SBF2: variants seen among roughly 807,000 people sequenced by gnomAD.
SBF2 encodes myotubularin-related protein 13.
SBF2 carries 112 observed loss-of-function variants against 225.2 expected under a neutral mutation model. The observed-to-expected ratio is 0.50, with a 90% CI of 0.43 to 0.58. The LOEUF is 0.58. SBF2 is among the 20% of genes least tolerant of loss of function. The pLI, the probability that SBF2 is intolerant of heterozygous loss-of-function variation, is 0.00. For missense variants in SBF2, 1,996 were observed against 2,206.2 expected (o/e 0.90, Z 1.91); for synonymous variants, 763 against 773.3 (o/e 0.99, Z 0.22).
At chr11:10,204,428 C>A (rs1159074687) in intron 1 of SBF2, among the ~76,000 whole-genome samples, 1 of 151,946 alleles carries the variant, frequency 6.6e-6, no homozygotes, top group African/African-American at 2.4e-5. Flanking sequence ...ATCACGAGGT[C>A]AAGAGATCGA....
intron 17 of SBF2, among the ~76,000 whole-genome samples, chr11:9,883,250 C>T (rs1292791280): frequency 6.6e-6 from 1 of 152,000 alleles, no homozygotes; most frequent in Admixed American, 6.5e-5. Flanking sequence ...GTCAATAGCA[C>T]TTACTATGTA....
At chr11:10,109,513 T>C (rs1776066256) in intron 2 of SBF2, among the ~76,000 whole-genome samples, 1 of 152,168 alleles carries the variant, frequency 6.6e-6, no homozygotes, top group Non-Finnish European at 1.5e-5. Flanking sequence ...AGGGACTCCA[T>C]TCAAATACAA....
upstream of SBF2, among the ~76,000 whole-genome samples, chr11:10,296,400 G>C (rs1321547738): frequency 2.0e-5 from 3 of 152,060 alleles, no homozygotes; most frequent in Non-Finnish European, 4.4e-5. Flanking sequence ...AGAGCAAAGC[G>C]GCAGACAAGA....
intron 1 of SBF2, among the ~76,000 whole-genome samples, chr11:10,267,144 G>A (rs1453386150): frequency 2.0e-5 from 3 of 152,036 alleles, no homozygotes; most frequent in African/African-American, 7.2e-5. Context: ...AAAAGGGAAG[G>A]GGGCTATCTC....
intron 32 of SBF2, among the ~76,000 whole-genome samples, chr11:9,807,672 T>C (rs963513785): frequency 2.0e-5 from 3 of 152,230 alleles, no homozygotes; most frequent in Non-Finnish European, 4.4e-5. Flanking sequence ...ATGTGCTCGA[T>C]TTCAGGACCC....
At chr11:10,119,427 T>G (rs1019849099) in intron 2 of SBF2, among the ~76,000 whole-genome samples, 2 of 152,180 alleles carry the variant, frequency 1.3e-5, no homozygotes, top group African/African-American at 4.8e-5. Context: ...CCAGTTGAAC[T>G]GTACTTAATC....
At chr11:9,862,525 A>G (rs1350190536) in intron 17 of SBF2, among the ~76,000 whole-genome samples, 1 of 152,230 alleles carries the variant, frequency 6.6e-6, no homozygotes, top group Non-Finnish European at 1.5e-5. Flanking sequence ...ACAGAAATAA[A>G]GCTTTCCATT....
intron 2 of SBF2, among the ~76,000 whole-genome samples, chr11:10,188,372 C>T (rs375684538): frequency 6.7e-6 from 1 of 150,096 alleles, no homozygotes; most frequent in African/African-American, 2.5e-5. Context: ...CCAGGCTGTC[C>T]GCAAACAATA....
intron 1 of SBF2, among the ~76,000 whole-genome samples, chr11:10,214,732 T>C (rs1242764946): frequency 6.6e-6 from 1 of 152,206 alleles, no homozygotes; most frequent in African/African-American, 2.4e-5. Flanking sequence ...AGGTACTTCA[T>C]CCCAGGTAAC....
At chr11:10,186,241 ATT>A (rs1351534627) in intron 2 of SBF2, among the ~76,000 whole-genome samples, 3 of 152,198 alleles carry the variant, frequency 2.0e-5, no homozygotes, top group Non-Finnish European at 4.4e-5. Context: ...TTCACAAGAC[ATT>A]AGTGTGTTCA....
intron 1 of SBF2, among the ~76,000 whole-genome samples, chr11:10,272,690 G>C (rs36167833): frequency 0.47 from 71,095 of 151,268 alleles, 17,315 homozygotes; most frequent in Non-Finnish European, 0.54. Context: ...GCTTGAGCCT[G>C]GGAAGCAGAG....
At chr11:10,273,442 A>T (rs1962702261) in intron 1 of SBF2, among the ~76,000 whole-genome samples, 1 of 152,388 alleles carries the variant, frequency 6.6e-6, no homozygotes, top group African/African-American at 2.4e-5. Context: ...CAATGAATCA[A>T]TTAAAAATAA....
chr11:10,241,424 C>G (rs1959215541), intron 1 of SBF2, among the ~76,000 whole-genome samples: 1 of 151,936 alleles, frequency 6.6e-6, no homozygotes, highest in South Asian at 2.1e-4. Context: ...TGAAAATGGA[C>G]AGCAGATTAA....
chr11:10,261,408 G>A (rs1961416306), intron 1 of SBF2, among the ~76,000 whole-genome samples: 1 of 151,874 alleles, frequency 6.6e-6, no homozygotes, highest in African/African-American at 2.4e-5. Context: ...TTGCCATGTT[G>A]CCCAAGCTGG....
At chr11:9,986,893 A>G (rs1350753726) in intron 13 of SBF2, among the ~76,000 whole-genome samples, 1 of 152,198 alleles carries the variant, frequency 6.6e-6, no homozygotes, top group Non-Finnish European at 1.5e-5. Context: ...TCCACAAGAT[A>G]CAGAAAGAAG....
chr11:9,945,130 C>CA (rs956142288), intron 16 of SBF2, among the ~76,000 whole-genome samples: 3 of 151,054 alleles, frequency 2.0e-5, no homozygotes, highest in Non-Finnish European at 4.4e-5. Context: ...CATATGGGAC[C>CA]AAAAAAAAGG....
intron 17 of SBF2, among the ~76,000 whole-genome samples, chr11:9,890,145 T>A (rs1360064701): frequency 6.6e-6 from 1 of 152,226 alleles, no homozygotes; most frequent in African/African-American, 2.4e-5. Context: ...CCTCAGGTGA[T>A]CCAACTGCCT....
intron 2 of SBF2, among the ~76,000 whole-genome samples, chr11:10,118,685 T>TACCTG (rs1236249852): frequency 1.3e-5 from 2 of 152,116 alleles, no homozygotes; most frequent in Non-Finnish European, 2.9e-5. Context: ...AGATGTAATG[T>TACCTG]ACCTGTTCCC....
intron 2 of SBF2, among the ~76,000 whole-genome samples, chr11:10,063,881 A>AG (rs1950540910): frequency 1.3e-5 from 2 of 151,438 alleles, no homozygotes; most frequent in South Asian, 2.1e-4. Flanking sequence ...AGAGAGAGAG[A>AG]AAACGAAAAG....
Sources: gnomAD v4.1 joint callset for allele counts (sites outside exome capture counted in the v4.1 genomes callset) on GRCh38, gnomAD v4.1.1 for gene constraint, MANE v1.5 for transcripts, NCBI Gene and HGNC (gene_info 2026-07-23, HGNC 2026-07-21) for gene names.